Variants in ABHD12 observed in about 807,000 individuals in gnomAD.
ABHD12 encodes abhydrolase domain containing 12, lysophospholipase, also known as lysophosphatidylserine lipase ABHD12.
ABHD12 carries 43 observed loss-of-function variants against 58.3 expected under a neutral mutation model. The observed-to-expected ratio is 0.74, with a 90% CI of 0.58 to 0.95. The LOEUF is 0.95. Among genes scored for constraint, ABHD12 ranks in the 40% least tolerant of loss-of-function variants. The pLI is 0.00. For synonymous variants in ABHD12, 219 were observed against 211.2 expected (o/e 1.04, Z -0.32); for missense variants, 539 against 537.2 (o/e 1.00, Z -0.03).
intron 4 of ABHD12, among the ~76,000 whole-genome samples, chr20:25,319,284 A>G (rs1256839523): frequency 1.3e-5 from 2 of 152,256 alleles, no homozygotes; most frequent in African/African-American, 4.8e-5. Context: ...TAAGGCAGGG[A>G]GGCCAACTCC....
intron 2 of ABHD12, among the ~76,000 whole-genome samples, chr20:25,332,280 A>T (rs2089290380): frequency 6.6e-6 from 1 of 151,476 alleles, no homozygotes; most frequent in Non-Finnish European, 1.5e-5. Flanking sequence ...TATGCACCCA[A>T]TACAGGAGCA....
At position 25,309,554 on chromosome 20, in the gene ABHD12, G is replaced by A. The variant is rs148799594; in HGVS notation, c.641C>T (p.Thr214Met). The change falls in exon 7 of 13, where the codon ACG becomes ATG. Residue 214 changes from threonine to methionine, a missense_variant. Coordinates refer to ENST00000339157, the MANE Select transcript of ABHD12 (RefSeq NM_001042472.3). ...ATAGGTCATGCCCCGCTCAGATGGC[G>A]TTCCCACTGAGTCACCCCAACCTGG... is the stretch of plus-strand genomic sequence containing the variant. The part of the protein sequence containing the change: ...DYRGWGDSVG[T>M]PSERGMTYDA... The A allele has an allele frequency of 3.7e-5, 60 of 1,614,038 alleles. No individual in the cohort carries two copies. In the African/African-American group the frequency reaches 5.3e-4, roughly 14 times the overall value.
chr20:25,330,626 C>T (rs2089256885), intron 2 of ABHD12, among the ~76,000 whole-genome samples: 1 of 152,224 alleles, frequency 6.6e-6, no homozygotes, highest in African/African-American at 2.4e-5. Context: ...TGAGAACGGG[C>T]AGAATGCCTC....
At chr20:25,323,789 C>T (rs2089125049) in intron 2 of ABHD12, among the ~76,000 whole-genome samples, 4 of 152,106 alleles carry the variant, frequency 2.6e-5, no homozygotes, top group Non-Finnish European at 5.9e-5. Flanking sequence ...GAAAGATCCC[C>T]AACAGGTCTG....
At chr20:25,298,866 A>G (rs909181962), downstream of ABHD12, among the ~76,000 whole-genome samples, 8 of 152,172 alleles carry the variant, frequency 5.3e-5, no homozygotes, top group Non-Finnish European at 7.4e-5. Flanking sequence ...TGGTGCTGCC[A>G]GGTTGTCCTC....
intron 1 of ABHD12, among the ~76,000 whole-genome samples, chr20:25,367,276 C>T (rs1187060029): frequency 3.3e-5 from 5 of 152,032 alleles, no homozygotes; most frequent in Admixed American, 6.6e-5. Context: ...AGTGTTCATA[C>T]GGTGACATGG....
chr20:25,379,957 T>C (rs902731076), intron 1 of ABHD12, among the ~76,000 whole-genome samples: 9 of 152,220 alleles, frequency 5.9e-5, no homozygotes, highest in South Asian at 2.1e-4. Flanking sequence ...CCCAAAGTGC[T>C]AGGATTACAG....
intron 1 of ABHD12, among the ~76,000 whole-genome samples, chr20:25,358,466 A>C (rs1235206919): frequency 1.3e-5 from 2 of 152,220 alleles, no homozygotes; most frequent in Non-Finnish European, 2.9e-5. Flanking sequence ...CATGGGCAAC[A>C]GTGAAGTTTG....
In ABHD12 at chr20:25,328,038, TA is replaced by T. The variant is rs1387755161; in HGVS notation, c.317-4609del. 2.0e-5 allele frequency among the ~76,000 whole-genome samples: 3 copies of T among 151,666 alleles called. No individual in the cohort carries two copies. The East Asian group carries it at 5.8e-4, about 29-fold the overall frequency. On this transcript the variant is annotated intron_variant, in intron 2 of 12. Transcript: ENST00000339157. ...TTCCCCACACCCACCAAGTTGTCCT[TA>T]AAAACTCTGATCCCTGAATGCTACG...
At chr20:25,362,427 C>G (rs1038294977) in intron 1 of ABHD12, among the ~76,000 whole-genome samples, 1 of 151,680 alleles carries the variant, frequency 6.6e-6, no homozygotes, top group Non-Finnish European at 1.5e-5. Context: ...ATCAGCCGGG[C>G]GTGGTGGCGG....
intron 2 of ABHD12, among the ~76,000 whole-genome samples, chr20:25,325,375 A>G (rs2089157530): frequency 1.3e-5 from 2 of 152,164 alleles, no homozygotes; most frequent in Admixed American, 6.5e-5. Flanking sequence ...GCTCCCCAAA[A>G]AAGACTATGT....
chr20:25,331,184 C>G (rs1276605660), intron 2 of ABHD12, among the ~76,000 whole-genome samples: 2 of 152,028 alleles, frequency 1.3e-5, no homozygotes, highest in Non-Finnish European at 2.9e-5. Flanking sequence ...CCTCAGGAGC[C>G]AATGCGATCA....
At chr20:25,389,661 C>T (rs184874513) in intron 1 of ABHD12, among the ~76,000 whole-genome samples, 158 of 152,290 alleles carry the variant, frequency 1.0e-3, no homozygotes, top group African/African-American at 3.3e-3. Context: ...TTTATATAAA[C>T]GCATTCATCT....
downstream of ABHD12, among the ~76,000 whole-genome samples, chr20:25,299,213 A>G (rs1027950256): frequency 2.6e-5 from 4 of 152,188 alleles, no homozygotes; most frequent in African/African-American, 9.6e-5. Context: ...CCTGGGCAAC[A>G]TGGCAAAACC....
downstream of ABHD12, among the ~76,000 whole-genome samples, chr20:25,298,179 C>T (rs989808853): frequency 6.6e-6 from 1 of 152,232 alleles, no homozygotes; most frequent in Non-Finnish European, 1.5e-5. Flanking sequence ...GGCTGAATTA[C>T]ACCCCATCAT....
intron 1 of ABHD12, among the ~76,000 whole-genome samples, chr20:25,371,848 TC>T (rs1409888589): frequency 2.6e-5 from 4 of 152,298 alleles, no homozygotes; most frequent in Admixed American, 2.0e-4. Flanking sequence ...CAGTGCCTGG[TC>T]CCCTAGATTT....
intron 11 of ABHD12, 115 bp from the exon 12 acceptor site, chr20:25,302,461 C>G: frequency 2.2e-6 from 3 of 1,392,484 alleles, no homozygotes; most frequent in Middle Eastern, 4.9e-4. Context: ...GTCCCACATA[C>G]ACTGCTTGTT....
chr20:25,357,805 G>T (rs2089688330), intron 1 of ABHD12, among the ~76,000 whole-genome samples: 1 of 152,124 alleles, frequency 6.6e-6, no homozygotes. Context: ...GAGCCCAAGA[G>T]TTCAAGACCA....
intron 1 of ABHD12, among the ~76,000 whole-genome samples, chr20:25,365,863 A>G (rs553247758): frequency 6.6e-6 from 1 of 152,208 alleles, no homozygotes; most frequent in African/African-American, 2.4e-5. Context: ...AGCCTGGACA[A>G]CATAGGTTTC....
Sources: allele counts gnomAD v4.1 joint callset (sites outside exome capture counted in the v4.1 genomes callset), GRCh38; gene constraint gnomAD v4.1.1; transcripts MANE v1.5; gene names NCBI Gene and HGNC (gene_info 2026-07-23, HGNC 2026-07-21).